Variants in ENTREP2 observed in about 807,000 individuals in gnomAD.
The protein encoded by ENTREP2 is protein ENTREP2.
the ENTREP2 span, among the ~76,000 whole-genome samples, chr15:29,149,203 G>A: frequency 7.2e-5 from 11 of 152,096 alleles, no homozygotes; most frequent in Non-Finnish European, 2.9e-5. Context: ...TATCGCAACC[G>A]CCATAGTTGT....
chr15:29,346,200 A>G, the ENTREP2 span, among the ~76,000 whole-genome samples: 13,484 of 152,228 alleles, frequency 0.089, 1,212 homozygotes, highest in African/African-American at 0.23. Context: ...GGAGGAAGCC[A>G]AAAGCTAAGA....
At chr15:29,168,740 G>A in the ENTREP2 span, among the ~76,000 whole-genome samples, 1 of 152,204 alleles carries the variant, frequency 6.6e-6, no homozygotes, top group African/African-American at 2.4e-5. Context: ...GGCACCACCA[G>A]TAACACATGT....
chr15:29,247,749 T>G, the ENTREP2 span, among the ~76,000 whole-genome samples: 2 of 149,642 alleles, frequency 1.3e-5, no homozygotes, highest in Non-Finnish European at 3.0e-5. Context: ...AAAAAAAAAG[T>G]AGCCCATGTG....
the ENTREP2 span, among the ~76,000 whole-genome samples, chr15:29,219,655 A>ATATATATG: frequency 1.1e-5 from 1 of 89,598 alleles, no homozygotes; most frequent in Non-Finnish European, 2.4e-5. Flanking sequence ...ATATATATAT[A>ATATATATG]TATATATATG....
At chr15:29,123,636 G>A in the ENTREP2 span, 1 of 1,549,804 alleles carries the variant, frequency 6.5e-7, no homozygotes, top group Non-Finnish European at 8.7e-7. Flanking sequence ...AGGCAGCCGT[G>A]GCAGAGCGAG....
At chr15:29,205,473 C>T in the ENTREP2 span, among the ~76,000 whole-genome samples, 1 of 152,076 alleles carries the variant, frequency 6.6e-6, no homozygotes, top group Admixed American at 6.6e-5. Flanking sequence ...ACATCCTCAC[C>T]AACACTTATT....
the ENTREP2 span, among the ~76,000 whole-genome samples, chr15:29,158,493 C>T: frequency 3.8e-3 from 572 of 151,288 alleles, 3 homozygotes; most frequent in Middle Eastern, 0.014. Flanking sequence ...GCAACCTCCA[C>T]CTCCCGGGTT....
chr15:29,576,630 A>C, the ENTREP2 span, among the ~76,000 whole-genome samples: 1 of 152,196 alleles, frequency 6.6e-6, no homozygotes, highest in African/African-American at 2.4e-5. Context: ...CTCAAAACAA[A>C]ATGACAACCC....
chr15:29,272,212 C>T, the ENTREP2 span, among the ~76,000 whole-genome samples: 1 of 152,164 alleles, frequency 6.6e-6, no homozygotes, highest in Non-Finnish European at 1.5e-5. Context: ...TTAGGCCCTG[C>T]ATGGAGAAGT....
the ENTREP2 span, among the ~76,000 whole-genome samples, chr15:29,201,439 C>T: frequency 1.3e-5 from 2 of 152,142 alleles, no homozygotes; most frequent in East Asian, 1.9e-4. Flanking sequence ...AAGTTGAGGA[C>T]GTTCTCTATG....
At chr15:29,592,807 T>C in the ENTREP2 span, among the ~76,000 whole-genome samples, 4 of 152,192 alleles carry the variant, frequency 2.6e-5, no homozygotes, top group African/African-American at 9.7e-5. Flanking sequence ...CACTCTACTT[T>C]GTTGCTGCAA....
At chr15:29,238,468 T>TA in the ENTREP2 span, among the ~76,000 whole-genome samples, 13 of 150,298 alleles carry the variant, frequency 8.6e-5, no homozygotes, top group Non-Finnish European at 1.8e-4. Context: ...CCATCTCTAC[T>TA]AAAAAAAAAT....
At chr15:29,306,266 T>C in the ENTREP2 span, among the ~76,000 whole-genome samples, 1 of 151,866 alleles carries the variant, frequency 6.6e-6, no homozygotes, top group African/African-American at 2.4e-5. Context: ...ACAAGGAAAA[T>C]CTCCTGAATT....
At chr15:29,600,483 C>T in the ENTREP2 span, among the ~76,000 whole-genome samples, 759 of 150,488 alleles carry the variant, frequency 5.0e-3, 2 homozygotes, top group African/African-American at 0.017. Context: ...TCATCATCAT[C>T]GTCATCTCAT....
At chr15:29,269,195 G>C in the ENTREP2 span, 4 of 1,614,140 alleles carry the variant, frequency 2.5e-6, no homozygotes, top group Non-Finnish European at 3.4e-6. Flanking sequence ...GGCGTGCCTT[G>C]GTCACCCCTC....
At chr15:29,539,462 A>C in the ENTREP2 span, among the ~76,000 whole-genome samples, 1 of 152,006 alleles carries the variant, frequency 6.6e-6, no homozygotes, top group East Asian at 1.9e-4. Context: ...TCTTTAAGCT[A>C]ATCAGCAGGA....
At chr15:29,547,708 T>C in the ENTREP2 span, among the ~76,000 whole-genome samples, 3 of 152,176 alleles carry the variant, frequency 2.0e-5, no homozygotes, top group African/African-American at 7.2e-5. Context: ...AAAATTAGGA[T>C]TGCCATGAGA....
chr15:29,448,018 T>C, the ENTREP2 span, among the ~76,000 whole-genome samples: 5 of 152,072 alleles, frequency 3.3e-5, no homozygotes, highest in East Asian at 7.8e-4. Flanking sequence ...GTGAGCGGGA[T>C]TGAGTGCACT....
At chr15:29,640,887 G>C in the ENTREP2 span, among the ~76,000 whole-genome samples, 1 of 152,072 alleles carries the variant, frequency 6.6e-6, no homozygotes, top group Non-Finnish European at 1.5e-5. Context: ...GAAAACTACA[G>C]ACCAGTATCT....
Sources: allele counts gnomAD v4.1 joint callset (sites outside exome capture counted in the v4.1 genomes callset), GRCh38; gene constraint gnomAD v4.1.1; transcripts MANE v1.5; gene names NCBI Gene and HGNC (gene_info 2026-07-23, HGNC 2026-07-21).